The following L3MBTL3 variants were observed in gnomAD, a reference collection of about 807,000 sequenced individuals.
The protein encoded by L3MBTL3 is lethal(3)malignant brain tumor-like protein 3.
In L3MBTL3, 27 loss-of-function variants were observed where a neutral mutation model predicts 102.3. The observed-to-expected ratio is 0.26, with a 90% CI of 0.19 to 0.36. The LOEUF (loss-of-function observed/expected upper bound fraction) is 0.36, where lower values mean the gene tolerates loss of function less well. L3MBTL3 is among the 10% of genes least tolerant of loss of function. The pLI, the probability that L3MBTL3 is intolerant of heterozygous loss-of-function variation, is 1.00. For synonymous variants in L3MBTL3, 340 were observed against 320.9 expected (o/e 1.06, Z -0.64); for missense variants, 798 against 955.3 (o/e 0.84, Z 2.17).
At chr6:130,070,790 T>C in intron 12 of L3MBTL3, 186 bp from the exon 13 acceptor site, 1 of 265,498 alleles carries the variant, frequency 3.8e-6, no homozygotes, top group Non-Finnish European at 6.9e-6. Context: ...GACCTTTTTT[T>C]TTTTTTTTTT....
At chr6:130,043,989 G>A (rs370552628) in intron 3 of L3MBTL3, among the ~76,000 whole-genome samples, 27 of 152,110 alleles carry the variant, frequency 1.8e-4, no homozygotes, top group Admixed American at 1.4e-3. Flanking sequence ...AATCCCTTTC[G>A]GTCAAGTTTC....
chr6:130,120,225 C>T (rs1161804235), intron 19 of L3MBTL3, among the ~76,000 whole-genome samples: 4 of 152,220 alleles, frequency 2.6e-5, no homozygotes, highest in South Asian at 2.1e-4. Context: ...AAAAGTAGTT[C>T]CTTTTTTTAA....
intron 18 of L3MBTL3, among the ~76,000 whole-genome samples, chr6:130,096,321 A>G (rs557611289): frequency 6.6e-6 from 1 of 152,348 alleles, no homozygotes; most frequent in East Asian, 1.9e-4. Flanking sequence ...AATTTAATTA[A>G]AACATAAGAT....
chr6:130,083,165 A>AAT (rs1318904879), intron 14 of L3MBTL3, among the ~76,000 whole-genome samples: 1 of 152,186 alleles, frequency 6.6e-6, no homozygotes, highest in Non-Finnish European at 1.5e-5. Flanking sequence ...TTCACATATT[A>AAT]ATATATATAA....
chr6:130,101,189 G>T lies in L3MBTL3; in HGVS notation c.1737-3237G>T, dbSNP rs188105321. ...AAAGATGGTGAAGACCTGAGGTTGG[G>T]TTAATAAATTTATTTTGTCATAAAC... On this transcript the variant is annotated intron_variant, in intron 18 of 22. Coordinates refer to ENST00000361794, the MANE Select transcript of L3MBTL3 (RefSeq NM_032438.4). Among the ~76,000 whole-genome samples the T allele has an allele frequency of 1.8e-3, 277 of 152,276 alleles. 3 individuals carry two copies. The highest frequency in any genetic ancestry group is 3.3e-3 in the Admixed American group (51 of 15,302).
chr6:130,075,015 G>T (rs1367388089), intron 13 of L3MBTL3, among the ~76,000 whole-genome samples: 1 of 152,080 alleles, frequency 6.6e-6, no homozygotes, highest in Non-Finnish European at 1.5e-5. Flanking sequence ...TTGAAAAGTT[G>T]TCAGTTTCTT....
chr6:130,067,820 T>C (rs1488583493), intron 11 of L3MBTL3, among the ~76,000 whole-genome samples: 1 of 152,178 alleles, frequency 6.6e-6, no homozygotes, highest in Admixed American at 6.5e-5. Flanking sequence ...GGGAGGACAT[T>C]TCCCTTATTG....
intron 13 of L3MBTL3, among the ~76,000 whole-genome samples, chr6:130,072,519 C>G (rs1782703924): frequency 6.6e-6 from 1 of 152,126 alleles, no homozygotes; most frequent in African/African-American, 2.4e-5. Flanking sequence ...TGTAGGACAT[C>G]TTTATATTCA....
chr6:130,086,658 A>T (rs1410271109), intron 16 of L3MBTL3, among the ~76,000 whole-genome samples: 4 of 152,206 alleles, frequency 2.6e-5, no homozygotes, highest in Admixed American at 1.3e-4. Context: ...AAGTAAAGAT[A>T]AATAATTTCA....
intron 7 of L3MBTL3, among the ~76,000 whole-genome samples, chr6:130,054,858 AAG>A (rs1196753957): frequency 3.3e-5 from 5 of 152,196 alleles, no homozygotes; most frequent in Non-Finnish European, 7.3e-5. Context: ...AGAGGAGACA[AAG>A]AGGAGCCAGT....
intron 16 of L3MBTL3, among the ~76,000 whole-genome samples, chr6:130,088,243 C>T (rs1783815234): frequency 6.6e-6 from 1 of 152,052 alleles, no homozygotes; most frequent in Non-Finnish European, 1.5e-5. Context: ...GAAGATGAAC[C>T]ATGGAACAAA....
At chr6:130,117,863 CTTTTTTTT>C (rs56787867) in intron 19 of L3MBTL3, among the ~76,000 whole-genome samples, 1 of 53,014 alleles carries the variant, frequency 1.9e-5, no homozygotes, top group Non-Finnish European at 3.4e-5. Flanking sequence ...GCACGCCTGA[CTTTTTTTT>C]TTTTTTTTTT....
intron 20 of L3MBTL3, among the ~76,000 whole-genome samples, chr6:130,121,496 A>G (rs967643343): frequency 5.9e-5 from 9 of 152,206 alleles, no homozygotes; most frequent in African/African-American, 2.2e-4. Context: ...TTTAGTATCA[A>G]TATAGTATGT....
In L3MBTL3 at chr6:130,133,300, G is replaced by T; in HGVS notation, c.1967-152G>T. 1.5e-6 allele frequency: 1 copy of T among 657,926 alleles called. No homozygotes were observed. The highest frequency in any genetic ancestry group is 3.0e-5 in the Admixed American group (1 of 33,490). The allele number at this position is 657,926 out of a possible 1,614,324, so 40.8% of individuals were successfully genotyped here. On this transcript the variant is annotated intron_variant, in intron 20 of 22. Coordinates refer to ENST00000361794, the MANE Select transcript of L3MBTL3 (RefSeq NM_032438.4). This position sits in a 1 kb window ranked among gnomAD's most constrained non-coding sequence, Gnocchi z 4.9. ...GTTTTTTATAGTGACCTTCAGTAAA[G>T]ACAAAGAAGAGCCTATTCAATAGTA...
chr6:130,109,313 A>G (rs1785201617), intron 19 of L3MBTL3, among the ~76,000 whole-genome samples: 1 of 151,828 alleles, frequency 6.6e-6, no homozygotes, highest in Non-Finnish European at 1.5e-5. Flanking sequence ...GCTAATTTAC[A>G]CTCCCACCAA....
chr6:130,124,034 G>A (rs185577959), intron 20 of L3MBTL3, among the ~76,000 whole-genome samples: 3 of 152,308 alleles, frequency 2.0e-5, no homozygotes, highest in East Asian at 1.9e-4. Context: ...AAAAGAAGCA[G>A]GATTGGGCAG....
At chr6:130,033,179 C>T (rs927512036) in intron 2 of L3MBTL3, among the ~76,000 whole-genome samples, 40 of 152,240 alleles carry the variant, frequency 2.6e-4, no homozygotes, top group African/African-American at 9.1e-4. Flanking sequence ...TGGTTTGCGC[C>T]TATGAAAGGA....
intron 13 of L3MBTL3, among the ~76,000 whole-genome samples, chr6:130,077,900 G>A (rs1248750802): frequency 6.6e-6 from 1 of 152,112 alleles, no homozygotes; most frequent in African/African-American, 2.4e-5. Flanking sequence ...GATGTTAATA[G>A]GCTGAAACAT....
intron 6 of L3MBTL3, among the ~76,000 whole-genome samples, chr6:130,052,375 G>C (rs1781162057): frequency 6.6e-6 from 1 of 152,184 alleles, no homozygotes; most frequent in Non-Finnish European, 1.5e-5. Flanking sequence ...GAAATGCTGG[G>C]ATTAAAGGTG....
Sources: allele counts gnomAD v4.1 joint callset (sites outside exome capture counted in the v4.1 genomes callset), GRCh38; gene constraint gnomAD v4.1.1; non-coding constraint Gnocchi (gnomAD v3.1); transcripts MANE v1.5; gene names NCBI Gene and HGNC (gene_info 2026-07-23, HGNC 2026-07-21).